CNTN1: variants seen among roughly 807,000 people sequenced by gnomAD.
The protein encoded by CNTN1 is contactin-1.
Under a neutral mutation model 126.4 loss-of-function variants are expected in CNTN1, and 38 were observed. The ratio of observed to expected loss-of-function variants is 0.30; its 90% confidence interval spans 0.23 to 0.39. The LOEUF is 0.39. Among genes scored for constraint, CNTN1 ranks in the 10% least tolerant of loss-of-function variants. CNTN1 has a pLI of 1.00. For synonymous variants in CNTN1, 413 were observed against 422.6 expected, an observed-to-expected ratio of 0.98 and a Z score of 0.28; for missense variants, 1,009 against 1,248.4, an observed-to-expected ratio of 0.81 and a Z score of 2.89.
chr12:41,001,504 T>C (rs1186679469), intron 17 of CNTN1, among the ~76,000 whole-genome samples: 1 of 152,170 alleles, frequency 6.6e-6, no homozygotes, highest in Admixed American at 6.5e-5. Context: ...ATTAGACTTT[T>C]GTCAGATGAT....
chr12:40,831,282 T>A (rs1309770428), intron 1 of CNTN1, among the ~76,000 whole-genome samples: 1 of 151,394 alleles, frequency 6.6e-6, no homozygotes, highest in Non-Finnish European at 1.5e-5. Flanking sequence ...TTAGGAGGCC[T>A]ACAAGTATTT....
In CNTN1 at chr12:40,908,500, A is replaced by C. The variant is rs1270678717; in HGVS notation, c.61+7A>C. The C allele has an allele frequency of 6.3e-7, 1 of 1,578,096 alleles. No homozygotes were observed. On this transcript the variant is annotated splice_region_variant and intron_variant, in intron 2 of 23. Transcript: ENST00000551295. Reference sequence around the variant, plus strand: ...ATTACTACCTGTTTAGCAGGTAAGAAATATCCTTTGTATATTCTACATATA... The same window carrying C: ...ATTACTACCTGTTTAGCAGGTAAGACATATCCTTTGTATATTCTACATATA...
chr12:40,817,475 CTTTTTTTTT>C (rs758574869), intron 1 of CNTN1, among the ~76,000 whole-genome samples: 5 of 40,710 alleles, frequency 1.2e-4, no homozygotes, highest in South Asian at 9.4e-4. Context: ...GCAACCCCTG[CTTTTTTTTT>C]TTTTTTTTTT....
intron 9 of CNTN1, among the ~76,000 whole-genome samples, 173 bp from the exon 10 acceptor site, chr12:40,936,608 A>G (rs531074692): frequency 2.0e-5 from 3 of 152,268 alleles, no homozygotes; most frequent in South Asian, 4.1e-4. Flanking sequence ...ATAATACAGG[A>G]TTTGCGTAGG....
intron 1 of CNTN1, among the ~76,000 whole-genome samples, chr12:40,758,346 T>C (rs1334815988): frequency 6.6e-6 from 1 of 151,888 alleles, no homozygotes; most frequent in Non-Finnish European, 1.5e-5. Context: ...TATAGGAGAT[T>C]TGAAGAGAAA....
intron 15 of CNTN1, among the ~76,000 whole-genome samples, chr12:40,973,055 T>C (rs796708026): frequency 6.6e-6 from 1 of 152,040 alleles, no homozygotes; most frequent in Admixed American, 6.6e-5. Flanking sequence ...ATGTGACTTG[T>C]ACCAGAAAGG....
At chr12:40,808,194 T>A (rs1940930372) in intron 1 of CNTN1, among the ~76,000 whole-genome samples, 2 of 152,198 alleles carry the variant, frequency 1.3e-5, no homozygotes, top group Non-Finnish European at 2.9e-5. Context: ...TTGAGTTGAC[T>A]GTGTTAAAAT....
chr12:40,970,116 C>T (rs1011870446), intron 15 of CNTN1, among the ~76,000 whole-genome samples: 1 of 151,916 alleles, frequency 6.6e-6, no homozygotes, highest in Non-Finnish European at 1.5e-5. Flanking sequence ...GTCTAAGCAA[C>T]TTGGAGGACC....
intron 1 of CNTN1, among the ~76,000 whole-genome samples, chr12:40,736,655 C>A (rs1937698655): frequency 6.6e-6 from 1 of 152,088 alleles, no homozygotes; most frequent in Admixed American, 6.6e-5. Context: ...GCCACAACCA[C>A]TTGCATTGAT....
intron 1 of CNTN1, among the ~76,000 whole-genome samples, chr12:40,719,990 C>T (rs913866033): frequency 2.0e-5 from 3 of 151,394 alleles, no homozygotes; most frequent in Non-Finnish European, 4.4e-5. Flanking sequence ...GGCGCATGCA[C>T]CACGCCCGGT....
At chr12:41,047,933 G>A (rs1297157929) in intron 23 of CNTN1, among the ~76,000 whole-genome samples, 1 of 152,058 alleles carries the variant, frequency 6.6e-6, no homozygotes, top group African/African-American at 2.4e-5. Flanking sequence ...CTATCAGGAA[G>A]GACAAGCCAT....
chr12:40,976,104 C>A (rs1018656219), intron 15 of CNTN1, among the ~76,000 whole-genome samples: 1 of 152,114 alleles, frequency 6.6e-6, no homozygotes, highest in Non-Finnish European at 1.5e-5. Context: ...CCATATTGTT[C>A]TTTTTCTCCT....
Position 40,873,826 on chromosome 12 carries a change from G to C in CNTN1, c.-76-34531G>C, listed in dbSNP as rs1943584222. 2.6e-5 allele frequency among the ~76,000 whole-genome samples: 4 copies of C among 151,710 alleles called. No homozygotes were observed. The South Asian group carries it at 8.3e-4, about 32-fold the overall frequency. On this transcript the variant is annotated intron_variant, in intron 1 of 23. Coordinates refer to ENST00000551295, the MANE Select transcript of CNTN1 (RefSeq NM_001843.4). ...ACTCTGTAGACTAAAAATCTGTAATGGTTCCTCATTGCCCCCAAACTAAAT... is the reference window on the plus strand; with the variant it reads ...ACTCTGTAGACTAAAAATCTGTAATCGTTCCTCATTGCCCCCAAACTAAAT...
intron 21 of CNTN1, among the ~76,000 whole-genome samples, chr12:41,026,166 TC>T (rs1949033955): frequency 1.3e-5 from 2 of 152,206 alleles, no homozygotes; most frequent in African/African-American, 4.8e-5. Context: ...AAAGGAGCAT[TC>T]ATTTTTGTTC....
chr12:40,750,221 G>T (rs1938353074), intron 1 of CNTN1, among the ~76,000 whole-genome samples: 1 of 152,058 alleles, frequency 6.6e-6, no homozygotes, highest in Non-Finnish European at 1.5e-5. Flanking sequence ...AAGATGGAAA[G>T]TTTTTTAAAA....
intron 1 of CNTN1, among the ~76,000 whole-genome samples, chr12:40,717,368 A>G (rs1942075778): frequency 6.6e-6 from 1 of 152,210 alleles, no homozygotes; most frequent in South Asian, 2.1e-4. Context: ...AACTCAACTA[A>G]AATGAACACT....
At chr12:41,017,180 A>C (rs755468830) in intron 19 of CNTN1, among the ~76,000 whole-genome samples, 4 of 152,016 alleles carry the variant, frequency 2.6e-5, no homozygotes, top group African/African-American at 9.7e-5. Context: ...TCTGACTTCC[A>C]TTTTTGGGCT....
At chr12:41,044,085 C>G in intron 23 of CNTN1, among the ~76,000 whole-genome samples, 1 of 149,870 alleles carries the variant, frequency 6.7e-6, no homozygotes, top group Non-Finnish European at 1.5e-5. Flanking sequence ...AACAGCATGG[C>G]ACATGTATAT....
intron 19 of CNTN1, among the ~76,000 whole-genome samples, chr12:41,018,545 T>C (rs1030045059): frequency 4.6e-5 from 7 of 151,882 alleles, no homozygotes; most frequent in African/African-American, 1.7e-4. Flanking sequence ...GTCTTAAATA[T>C]ACATAACAAA....
Sources: gnomAD v4.1 joint callset for allele counts (sites outside exome capture counted in the v4.1 genomes callset) on GRCh38, gnomAD v4.1.1 for gene constraint, MANE v1.5 for transcripts, NCBI Gene and HGNC (gene_info 2026-07-23, HGNC 2026-07-21) for gene names.